PLPP4: variants seen among roughly 807,000 people sequenced by gnomAD.
PLPP4 encodes phospholipid phosphatase 4.
PLPP4 carries 20 observed loss-of-function variants against 32.2 expected under a neutral mutation model. The observed-to-expected ratio is 0.62, with a 90% confidence interval of 0.44 to 0.90. The LOEUF (loss-of-function observed/expected upper bound fraction) is 0.90, where lower values mean the gene tolerates loss of function less well. Among genes scored for constraint, PLPP4 ranks in the 40% least tolerant of loss-of-function variants. The pLI is 0.00. For synonymous variants in PLPP4, 127 were observed against 133.0 expected, an observed-to-expected ratio of 0.95 and a Z score of 0.31; for missense variants, 257 against 353.1, an observed-to-expected ratio of 0.73 and a Z score of 2.18.
chr10:120,517,196 C>T (rs4751786), intron 3 of PLPP4, among the ~76,000 whole-genome samples: 1 of 152,158 alleles, frequency 6.6e-6, no homozygotes, highest in Admixed American at 6.5e-5. Flanking sequence ...AGAGGCCATG[C>T]TAGGACCAGG....
intron 5 of PLPP4, among the ~76,000 whole-genome samples, chr10:120,568,250 A>T (rs1204502303): frequency 2.0e-5 from 3 of 152,226 alleles, no homozygotes; most frequent in Non-Finnish European, 4.4e-5. Flanking sequence ...GATCTTCTTA[A>T]TGCAAAGGCC....
At chr10:120,522,299 G>A (rs1047325260) in intron 5 of PLPP4, among the ~76,000 whole-genome samples, 1 of 152,146 alleles carries the variant, frequency 6.6e-6, no homozygotes, top group Non-Finnish European at 1.5e-5. Context: ...TGTTGAACAT[G>A]TTGCTCAGAG....
intron 5 of PLPP4, among the ~76,000 whole-genome samples, chr10:120,524,759 AG>A (rs1846314809): frequency 6.6e-6 from 1 of 152,208 alleles, no homozygotes; most frequent in Non-Finnish European, 1.5e-5. Context: ...AATTTCAAAG[AG>A]CAAGTGATTT....
chr10:120,573,784 G>A (rs956933874), intron 5 of PLPP4, among the ~76,000 whole-genome samples: 1 of 152,118 alleles, frequency 6.6e-6, no homozygotes, highest in Non-Finnish European at 1.5e-5. Flanking sequence ...TGCACAGATC[G>A]CTGGTGGATG....
intron 6 of PLPP4, among the ~76,000 whole-genome samples, chr10:120,587,655 A>G (rs1849823803): frequency 1.3e-5 from 2 of 152,258 alleles, no homozygotes; most frequent in South Asian, 4.1e-4. Context: ...AGATCTAGAT[A>G]GAACCAGGAT....
intron 5 of PLPP4, among the ~76,000 whole-genome samples, chr10:120,536,933 A>C (rs1847058125): frequency 6.6e-6 from 1 of 152,154 alleles, no homozygotes; most frequent in African/African-American, 2.4e-5. Flanking sequence ...CAAATCTCCA[A>C]CAGATATATT....
chr10:120,588,077 C>CTT (rs2134090905), intron 6 of PLPP4, among the ~76,000 whole-genome samples: 1 of 152,336 alleles, frequency 6.6e-6, no homozygotes, highest in Admixed American at 6.5e-5. Flanking sequence ...AAGCCCAATT[C>CTT]TTTTGGGGAA....
chr10:120,510,059 A>G (rs1257376205), intron 2 of PLPP4, among the ~76,000 whole-genome samples: 1 of 152,182 alleles, frequency 6.6e-6, no homozygotes, highest in East Asian at 1.9e-4. Context: ...CTATGCATTA[A>G]GTAAGAAGCC....
chr10:120,566,875 A>T (rs922905507), intron 5 of PLPP4, among the ~76,000 whole-genome samples: 1 of 152,194 alleles, frequency 6.6e-6, no homozygotes, highest in South Asian at 2.1e-4. Flanking sequence ...TAAGCAGGTT[A>T]TTTAGTCTTT....
chr10:120,487,607 G>A (rs762713048), intron 1 of PLPP4, among the ~76,000 whole-genome samples: 3 of 152,096 alleles, frequency 2.0e-5, no homozygotes, highest in Admixed American at 6.5e-5. Flanking sequence ...ACCTTATAGG[G>A]TCATGGTAAG....
At chr10:120,484,632 G>A (rs1844360923) in intron 1 of PLPP4, among the ~76,000 whole-genome samples, 1 of 152,142 alleles carries the variant, frequency 6.6e-6, no homozygotes, top group Non-Finnish European at 1.5e-5. Flanking sequence ...TGCTGCATTA[G>A]GGATCAAGTT....
chr10:120,515,535 CA>C (rs1457456750), intron 3 of PLPP4, among the ~76,000 whole-genome samples: 4 of 152,226 alleles, frequency 2.6e-5, no homozygotes, highest in African/African-American at 9.6e-5. Context: ...AGCCTGGACA[CA>C]AAAGCCATGA....
chr10:120,587,850 G>A (rs982382152), intron 6 of PLPP4, among the ~76,000 whole-genome samples: 10 of 152,198 alleles, frequency 6.6e-5, no homozygotes, highest in African/African-American at 2.4e-4. Context: ...ACTGGGAAGC[G>A]TTGGGAAACT....
chr10:120,457,173 C>CCCGCCT (rs982993544), upstream of PLPP4: 8 of 506,536 alleles, frequency 1.6e-5, no homozygotes, highest in Non-Finnish European at 2.3e-5. Context: ...CCGCCCGGCG[C>CCCGCCT]CCGCCTCCGC....
intron 2 of PLPP4, among the ~76,000 whole-genome samples, chr10:120,504,773 T>A (rs1393450276): frequency 6.6e-6 from 1 of 152,248 alleles, no homozygotes; most frequent in Non-Finnish European, 1.5e-5. Flanking sequence ...CCTCTCTTTT[T>A]AGGATAAGCC....
At position 120,502,213 on chromosome 10, in the gene PLPP4, C is replaced by T. The variant is rs116042427; in HGVS notation, c.57-1605C>T. 4.0e-3 allele frequency among the ~76,000 whole-genome samples: 614 copies of T among 152,306 alleles called. 4 individuals are homozygous for T. Among genetic ancestry groups the T allele is most frequent in the African/African-American group, 0.014 (583 of 41,560 alleles). On this transcript the variant is annotated intron_variant, in intron 1 of 6. Transcript: ENST00000398250. ...TCTGGCAAATAGCTACAAGCGATGC[C>T]TGTGTACCAGGCAGAGGCGCTGGGG... is the stretch of plus-strand genomic sequence containing the variant.
chr10:120,465,022 A>C (rs547869883), intron 1 of PLPP4, among the ~76,000 whole-genome samples: 29 of 152,338 alleles, frequency 1.9e-4, no homozygotes, highest in Non-Finnish European at 3.8e-4. Context: ...GGCACTGCAA[A>C]AGAAGCATAT....
chr10:120,505,765 A>C (rs982811693), intron 2 of PLPP4, among the ~76,000 whole-genome samples: 2 of 152,222 alleles, frequency 1.3e-5, no homozygotes, highest in African/African-American at 4.8e-5. Context: ...TACTAAAATC[A>C]GCCTTTTTTC....
At chr10:120,470,423 A>T (rs1043985233) in intron 1 of PLPP4, among the ~76,000 whole-genome samples, 1 of 152,176 alleles carries the variant, frequency 6.6e-6, no homozygotes, top group Non-Finnish European at 1.5e-5. Flanking sequence ...ATTATTGTAT[A>T]CAAGTTTTAA....
Sources: gnomAD v4.1 joint callset for allele counts (sites outside exome capture counted in the v4.1 genomes callset) on GRCh38, gnomAD v4.1.1 for gene constraint, MANE v1.5 for transcripts, NCBI Gene and HGNC (gene_info 2026-07-23, HGNC 2026-07-21) for gene names.